KCNQ5: variants seen among roughly 807,000 people sequenced by gnomAD.
The protein encoded by KCNQ5 is potassium voltage-gated channel subfamily KQT member 5.
KCNQ5 carries 30 observed loss-of-function variants against 98.2 expected under a neutral mutation model. The ratio of observed to expected loss-of-function variants is 0.31; its 90% CI spans 0.23 to 0.41. The LOEUF (loss-of-function observed/expected upper bound fraction) is 0.41. Ranked by LOEUF, KCNQ5 falls within the 10% of genes least tolerant of loss-of-function variation. The probability of loss-of-function intolerance (pLI) is 1.00; values close to 1 mark genes in which losing one functional copy is unlikely to be tolerated. For synonymous variants in KCNQ5, 458 were observed against 449.4 expected, an observed-to-expected ratio of 1.02 and a Z score of -0.24; for missense variants, 835 against 1,182.5, an observed-to-expected ratio of 0.71 and a Z score of 4.31.
chr6:73,157,753 T>G, intron 10 of KCNQ5: 5 of 778,400 alleles, frequency 6.4e-6, no homozygotes, highest in Admixed American at 1.7e-5. Flanking sequence ...GAAGTAAGTG[T>G]GCTCCTAGGT....
At chr6:73,004,287 G>T (rs1769722151) in intron 2 of KCNQ5, among the ~76,000 whole-genome samples, 1 of 152,158 alleles carries the variant, frequency 6.6e-6, no homozygotes, top group Non-Finnish European at 1.5e-5. Flanking sequence ...GTTTATCTAT[G>T]CTAATAAACA....
In KCNQ5 at chr6:72,736,703, T is replaced by G. The variant is rs973019251; in HGVS notation, c.398+114116T>G. ...TTTAGTAGAGACGGGGTTTCACCGT[T>G]TTAGCCGGGATGGTCTCGATCTCCT... On this transcript the variant is annotated intron_variant, in intron 1 of 13. Transcript: ENST00000370398. 3.3e-5 allele frequency among the ~76,000 whole-genome samples: 5 copies of G among 149,406 alleles called. No homozygotes were observed. The East Asian group carries it at 6.0e-4, about 18-fold the overall frequency.
chr6:73,063,237 A>G (rs1021683839), intron 3 of KCNQ5, among the ~76,000 whole-genome samples: 2 of 152,220 alleles, frequency 1.3e-5, no homozygotes, highest in Non-Finnish European at 2.9e-5. Context: ...AGCTCATGAC[A>G]GTAGGAAAGG....
At chr6:73,069,953 G>A (rs1229300679) in intron 3 of KCNQ5, among the ~76,000 whole-genome samples, 2 of 152,196 alleles carry the variant, frequency 1.3e-5, no homozygotes, top group Admixed American at 6.5e-5. Flanking sequence ...GACCAAGAGA[G>A]AAGTAGCGTA....
intron 3 of KCNQ5, among the ~76,000 whole-genome samples, chr6:73,047,175 A>G (rs930385477): frequency 6.6e-6 from 1 of 152,248 alleles, no homozygotes; most frequent in African/African-American, 2.4e-5. Flanking sequence ...TGTAAACAGA[A>G]GAACATGATA....
At chr6:72,874,173 T>G (rs2150165847) in intron 1 of KCNQ5, among the ~76,000 whole-genome samples, 1 of 152,180 alleles carries the variant, frequency 6.6e-6, no homozygotes, top group East Asian at 1.9e-4. Flanking sequence ...CAAATATTTT[T>G]GTCCTTTGCC....
At chr6:72,982,487 C>CTTTTTTT (rs141947372) in intron 1 of KCNQ5, among the ~76,000 whole-genome samples, 464 of 60,304 alleles carry the variant, frequency 7.7e-3, no homozygotes, top group African/African-American at 9.4e-3. Context: ...GCAACCCCTG[C>CTTTTTTT]TTTTTTTTTT....
chr6:72,730,215 C>T (rs1007197312), intron 1 of KCNQ5, among the ~76,000 whole-genome samples: 13 of 152,034 alleles, frequency 8.6e-5, no homozygotes, highest in African/African-American at 3.1e-4. Flanking sequence ...GTAGGACCTG[C>T]ATATATGCCA....
chr6:72,773,649 G>A (rs1406843474), intron 1 of KCNQ5, among the ~76,000 whole-genome samples: 2 of 152,202 alleles, frequency 1.3e-5, no homozygotes, highest in South Asian at 2.1e-4. Context: ...CTATTCACTT[G>A]TCTAAATGTT....
At chr6:73,120,083 CAA>C (rs66484208) in intron 7 of KCNQ5, among the ~76,000 whole-genome samples, 1 of 138,034 alleles carries the variant, frequency 7.2e-6, no homozygotes, top group African/African-American at 2.7e-5. Context: ...ACTAAAAGTA[CAA>C]AAAAAAAAAA....
chr6:73,124,532 C>G lies in KCNQ5; in HGVS notation c.1247+20C>G, dbSNP rs1295032177. 1 of 1,611,404 alleles carries G rather than the reference C, an allele frequency of 6.2e-7. No individual in the cohort carries two copies. The highest frequency in any genetic ancestry group is 8.5e-7 in the Non-Finnish European group (1 of 1,177,676). Reference sequence around the variant, plus strand: ...AAGCAGGTTTGTGATTTCTCTCTTGCTACATGTTTGTTTATAAATCTGATA... The same window carrying G: ...AAGCAGGTTTGTGATTTCTCTCTTGGTACATGTTTGTTTATAAATCTGATA... On this transcript the variant is annotated intron_variant, in intron 9 of 13. Coordinates refer to ENST00000370398, the MANE Select transcript of KCNQ5 (RefSeq NM_019842.4).
In KCNQ5 at chr6:72,984,207, C is replaced by T. The variant is rs117584751; in HGVS notation, c.399-19701C>T. Among the ~76,000 whole-genome samples, 433 of 152,278 alleles carry T rather than the reference C, an allele frequency of 2.8e-3. 5 individuals carry two copies. The highest frequency in any genetic ancestry group is 0.026 in the East Asian group (132 of 5,174). Reference sequence around the variant, plus strand: ...AGGCAGTGTGTCCATTCTCAGATCTCGAACACCATGCTGGGAGAACCACTG... The same window carrying T: ...AGGCAGTGTGTCCATTCTCAGATCTTGAACACCATGCTGGGAGAACCACTG... On this transcript the variant is annotated intron_variant, in intron 1 of 13. Coordinates refer to ENST00000370398, the MANE Select transcript of KCNQ5 (RefSeq NM_019842.4).
At chr6:73,025,859 T>C (rs980164624) in intron 2 of KCNQ5, among the ~76,000 whole-genome samples, 1 of 152,074 alleles carries the variant, frequency 6.6e-6, no homozygotes, top group Non-Finnish European at 1.5e-5. Flanking sequence ...CAGGGCTGAG[T>C]AGCTGTGGGT....
intron 1 of KCNQ5, among the ~76,000 whole-genome samples, chr6:72,790,422 T>C (rs1040634688): frequency 5.3e-5 from 8 of 152,202 alleles, no homozygotes; most frequent in African/African-American, 1.9e-4. Context: ...TCGCATGTTC[T>C]CACTTATTTG....
At chr6:72,707,305 C>T (rs1382509024) in intron 1 of KCNQ5, among the ~76,000 whole-genome samples, 1 of 152,136 alleles carries the variant, frequency 6.6e-6, no homozygotes, top group Non-Finnish European at 1.5e-5. Flanking sequence ...TTAATATTAG[C>T]ATAATTAATA....
At chr6:72,731,832 A>G (rs1242053429) in intron 1 of KCNQ5, among the ~76,000 whole-genome samples, 1 of 152,200 alleles carries the variant, frequency 6.6e-6, no homozygotes, top group Non-Finnish European at 1.5e-5. Context: ...CACGAGGAAC[A>G]AACCTTCAAA....
rs546133238 is a variant in KCNQ5, at chr6:72,760,473, T to A, written c.398+137886T>A. Among the ~76,000 whole-genome samples the A allele has an allele frequency of 5.9e-5, 9 of 151,962 alleles. No individual in the cohort carries two copies. In the South Asian group the frequency reaches 1.9e-3, roughly 32 times the overall value. ...GTGTGTGTGTGTGTGTGTGTGTGTGTGTGTGTGCACGTGTGCACTTGTTTG... is the reference window on the plus strand; with the variant it reads ...GTGTGTGTGTGTGTGTGTGTGTGTGAGTGTGTGCACGTGTGCACTTGTTTG... On this transcript the variant is annotated intron_variant, in intron 1 of 13. Coordinates refer to ENST00000370398, the MANE Select transcript of KCNQ5 (RefSeq NM_019842.4).
intron 6 of KCNQ5, among the ~76,000 whole-genome samples, chr6:73,110,225 A>G (rs1445966162): frequency 6.6e-6 from 1 of 152,198 alleles, no homozygotes. Flanking sequence ...TTAATAAAAA[A>G]CTAATAATTT....
chr6:72,939,726 G>C (rs1302186120), intron 1 of KCNQ5, among the ~76,000 whole-genome samples: 1 of 152,160 alleles, frequency 6.6e-6, no homozygotes, highest in Non-Finnish European at 1.5e-5. Flanking sequence ...ATGCAAGCCT[G>C]CAAATCAGAG....
Sources: gnomAD v4.1 joint callset for allele counts (sites outside exome capture counted in the v4.1 genomes callset) on GRCh38, gnomAD v4.1.1 for gene constraint, MANE v1.5 for transcripts, NCBI Gene and HGNC (gene_info 2026-07-23, HGNC 2026-07-21) for gene names.